Variants in PRKCB observed in about 807,000 individuals in gnomAD.
PRKCB encodes protein kinase C beta, also known as protein kinase C beta type.
A neutral mutation model predicts 81.5 loss-of-function variants in PRKCB; 13 were observed. The observed-to-expected ratio is 0.16, with a 90% CI of 0.10 to 0.25. PRKCB has a LOEUF of 0.25. Ranked by LOEUF, PRKCB falls within the 10% of genes least tolerant of loss-of-function variation. PRKCB has a pLI of 1.00. For synonymous variants in PRKCB, 335 were observed against 321.4 expected (o/e 1.04, Z -0.45); for missense variants, 509 against 875.7 (o/e 0.58, Z 5.29).
Position 24,055,560 on chromosome 16 carries a change from C to G in PRKCB, c.529+20013C>G, listed in dbSNP as rs550063503. On this transcript the variant is annotated intron_variant, in intron 5 of 16. Coordinates refer to ENST00000643927, the MANE Select transcript of PRKCB (RefSeq NM_002738.7). ...AGAGCTGAGAGCCTGTTCCCCCCAT[C>G]GAGGATCAATGCTCCTTTGATTTCA... Among the ~76,000 whole-genome samples, 6 of 152,360 alleles carry G rather than the reference C, an allele frequency of 3.9e-5. No individual in the cohort carries two copies. The East Asian group carries it at 9.6e-4, about 24-fold the overall frequency.
intron 5 of PRKCB, among the ~76,000 whole-genome samples, chr16:24,075,245 C>T (rs1966164041): frequency 6.6e-6 from 1 of 152,148 alleles, no homozygotes; most frequent in Non-Finnish European, 1.5e-5. Flanking sequence ...TACTGGACAT[C>T]AAACACTTCC....
At chr16:24,062,859 C>G (rs531561232) in intron 5 of PRKCB, among the ~76,000 whole-genome samples, 2 of 152,124 alleles carry the variant, frequency 1.3e-5, no homozygotes, top group African/African-American at 4.8e-5. Context: ...CCTCCCCCAT[C>G]CACTCTGTGA....
Position 24,216,034 on chromosome 16 carries a change from C to A in PRKCB, c.*1218C>A, listed in dbSNP as rs1291707903. 1 of 982,626 alleles carries A rather than the reference C, an allele frequency of 1.0e-6. No homozygotes were observed. The highest frequency in any genetic ancestry group is 1.1e-4 in the East Asian group (1 of 8,764). The allele number at this position is 982,626 out of a possible 1,614,324, so 60.9% of individuals were successfully genotyped here. On this transcript the variant is annotated 3_prime_UTR_variant, in exon 17 of 17. Transcript: ENST00000643927. ...AGAAGAAATACTATTTCAAGGAAAACTGCTCTTTTTGAGAAACGTGGACCT... is the reference window on the plus strand; with the variant it reads ...AGAAGAAATACTATTTCAAGGAAAAATGCTCTTTTTGAGAAACGTGGACCT...
At chr16:24,192,497 A>G (rs1442802454) in intron 16 of PRKCB, among the ~76,000 whole-genome samples, 1 of 152,210 alleles carries the variant, frequency 6.6e-6, no homozygotes, top group Non-Finnish European at 1.5e-5. Context: ...CTCTTTGTTC[A>G]GGAAACAGGG....
At position 24,220,329 on chromosome 16, in the gene PRKCB, G is replaced by C. The variant is rs1434157974; in HGVS notation, c.*5513G>C. On this transcript the variant is annotated 3_prime_UTR_variant, in exon 17 of 17. Coordinates refer to ENST00000643927, the MANE Select transcript of PRKCB (RefSeq NM_002738.7). ...ATAAGCGCATTATCCAATTATAGAGGTACAATTTTCCAAACTTCCAGAAAC... is the reference window on the plus strand; with the variant it reads ...ATAAGCGCATTATCCAATTATAGAGCTACAATTTTCCAAACTTCCAGAAAC... 9 of 467,704 alleles carry C rather than the reference G, an allele frequency of 1.9e-5. No individual in the cohort carries two copies. The East Asian group carries it at 3.4e-4, about 18-fold the overall frequency. The allele number at this position is 467,704 out of a possible 1,614,324, so 29.0% of individuals were successfully genotyped here.
chr16:24,175,724 C>T (rs761447271), intron 12 of PRKCB, among the ~76,000 whole-genome samples: 53 of 151,918 alleles, frequency 3.5e-4, no homozygotes, highest in African/African-American at 8.0e-4. Flanking sequence ...GTAATCCCAA[C>T]GCTTTGGGAG....
chr16:24,020,722 T>G (rs1965346149), intron 3 of PRKCB, among the ~76,000 whole-genome samples: 1 of 152,194 alleles, frequency 6.6e-6, no homozygotes, highest in South Asian at 2.1e-4. Context: ...GACCTTCAAT[T>G]TAACCTTGCC....
chr16:24,187,995 G>T (rs907873611), intron 15 of PRKCB, among the ~76,000 whole-genome samples: 2 of 152,226 alleles, frequency 1.3e-5, no homozygotes, highest in African/African-American at 4.8e-5. Flanking sequence ...GCACATAGTA[G>T]GTGTTTAATA....
At chr16:24,173,310 A>G (rs1157526215) in intron 11 of PRKCB, among the ~76,000 whole-genome samples, 1 of 152,186 alleles carries the variant, frequency 6.6e-6, no homozygotes, top group East Asian at 1.9e-4. Context: ...GCTTAGGAAC[A>G]TGGCAAGTTA....
At chr16:23,836,433 TC>T in intron 1 of PRKCB, 85 bp downstream of exon 1, 12 of 102,276 alleles carry the variant, frequency 1.2e-4, no homozygotes, top group Non-Finnish European at 1.6e-4. Context: ...CTCTGCGCCC[TC>T]CGCGCCCTCC....
At chr16:23,851,976 A>G (rs1962479312) in intron 2 of PRKCB, among the ~76,000 whole-genome samples, 1 of 152,224 alleles carries the variant, frequency 6.6e-6, no homozygotes, top group East Asian at 1.9e-4. Context: ...TGCATCCTGC[A>G]GTTTTATTGA....
intron 2 of PRKCB, among the ~76,000 whole-genome samples, chr16:23,976,214 C>T (rs931931345): frequency 6.6e-6 from 1 of 151,978 alleles, no homozygotes; most frequent in Non-Finnish European, 1.5e-5. Context: ...GTGGGAGTTG[C>T]ATGAATCCAG....
rs111902190 is a variant in PRKCB at position 23,858,843 on chromosome 16, A to T, written c.205+21437A>T. ...CTGAGCTGGATGCTTCACACACATG[A>T]TCTCATTGAATGTCCACAGCACCCT... On this transcript the variant is annotated intron_variant, in intron 2 of 16. Coordinates refer to ENST00000643927, the MANE Select transcript of PRKCB (RefSeq NM_002738.7). Among the ~76,000 whole-genome samples, 1,434 of 152,232 alleles carry T rather than the reference A, an allele frequency of 9.4e-3. 24 individuals are homozygous for T. Among genetic ancestry groups the T allele is most frequent in the African/African-American group, 0.033 (1,370 of 41,542 alleles).
At chr16:23,840,499 A>G (rs1338204758) in intron 2 of PRKCB, among the ~76,000 whole-genome samples, 2 of 152,310 alleles carry the variant, frequency 1.3e-5, no homozygotes, top group Non-Finnish European at 1.5e-5. Context: ...CCTTCTACCT[A>G]CATCCTCTTA....
chr16:24,189,228 A>G (rs1487374042), intron 15 of PRKCB, among the ~76,000 whole-genome samples: 1 of 152,196 alleles, frequency 6.6e-6, no homozygotes, highest in Non-Finnish European at 1.5e-5. Context: ...TCCTCTCTGG[A>G]GTCCTTACTG....
At chr16:24,061,066 T>C (rs1965966955) in intron 5 of PRKCB, among the ~76,000 whole-genome samples, 1 of 152,106 alleles carries the variant, frequency 6.6e-6, no homozygotes, top group African/African-American at 2.4e-5. Context: ...TAATTTTTAA[T>C]CTTTTTTTTT....
Position 24,113,043 on chromosome 16 carries a change from A to G in PRKCB, c.892A>G (p.Asn298Asp), listed in dbSNP as rs1173277247. The G allele has an allele frequency of 9.9e-6, 16 of 1,612,422 alleles. No homozygotes were observed. In the Admixed American group the frequency reaches 2.0e-4, roughly 20 times the overall value. ...TGTGCCACCAGAAGGAAGTGAGGCC[A>G]ATGAAGAACTGCGGCAGAAATTTGA... ...VPVPPEGSEANEELRQKFERA... is the reference protein window; with the variant it reads ...VPVPPEGSEADEELRQKFERA... Residue 298 changes from asparagine to aspartate, a missense_variant, in exon 8 of 17, where the codon AAT becomes GAT. Asn to Asp is a conservative substitution (Grantham distance 23). Around this residue, in one of 6 missense-constraint regions of PRKCB, gnomAD observed 80 missense variants for 89.4 expected, o/e 0.90. Coordinates refer to ENST00000643927, the MANE Select transcript of PRKCB (RefSeq NM_002738.7).
intron 2 of PRKCB, among the ~76,000 whole-genome samples, chr16:23,880,616 C>T (rs1211797266): frequency 6.6e-6 from 1 of 152,024 alleles, no homozygotes; most frequent in Non-Finnish European, 1.5e-5. Context: ...TAATTTTACT[C>T]TTAGAAAATG....
intron 5 of PRKCB, among the ~76,000 whole-genome samples, chr16:24,044,496 GTATAT>G (rs1354779859): frequency 1.3e-5 from 2 of 152,134 alleles, no homozygotes; most frequent in Non-Finnish European, 2.9e-5. Context: ...TTTTCTATAG[GTATAT>G]TATACTTCCT....
Sources: allele counts gnomAD v4.1 joint callset (sites outside exome capture counted in the v4.1 genomes callset), GRCh38; gene constraint gnomAD v4.1.1; regional missense constraint gnomAD v4.1.1; transcripts MANE v1.5; gene names NCBI Gene and HGNC (gene_info 2026-07-23, HGNC 2026-07-21).